Variants in CFTR observed in about 807,000 individuals in gnomAD.
CFTR encodes cystic fibrosis transmembrane conductance regulator.
A neutral mutation model predicts 171.6 loss-of-function variants in CFTR; 181 were observed. That is an observed-to-expected ratio of 1.05 (90% CI 0.93 to 1.19). CFTR has a LOEUF of 1.19. CFTR is among the 50% of genes most tolerant of loss of function. CFTR has a pLI of 0.00. For missense variants in CFTR, 1,968 were observed against 1,734.7 expected, an observed-to-expected ratio of 1.13 and a Z score of -2.39; for synonymous variants, 583 against 608.0, an observed-to-expected ratio of 0.96 and a Z score of 0.60.
intron 11 of CFTR, among the ~76,000 whole-genome samples, chr7:117,566,248 AACACACACACACAC>A (rs71314621): frequency 2.2e-5 from 3 of 138,890 alleles, no homozygotes; most frequent in African/African-American, 8.1e-5. Flanking sequence ...AGCCTACTAA[AACACACACACACAC>A]ACACACACAC....
intron 2 of CFTR, among the ~76,000 whole-genome samples, chr7:117,507,976 A>C (rs570532228): frequency 6.6e-6 from 1 of 152,126 alleles, no homozygotes; most frequent in Non-Finnish European, 1.5e-5. Flanking sequence ...GGGTTTTGCT[A>C]TGCTGGCCAG....
chr7:117,568,139 CT>C (rs969259584), intron 11 of CFTR, among the ~76,000 whole-genome samples: 3 of 152,058 alleles, frequency 2.0e-5, no homozygotes, highest in African/African-American at 7.2e-5. Flanking sequence ...GCACTTTGCC[CT>C]TTGGGGAAGC....
intron 1 of CFTR, among the ~76,000 whole-genome samples, chr7:117,482,061 A>G (rs1053647268): frequency 6.6e-6 from 1 of 152,230 alleles, no homozygotes; most frequent in African/African-American, 2.4e-5. Context: ...ATCACAGTAC[A>G]TGCACCTTGT....
At chr7:117,517,900 T>C (rs1349675600) in intron 3 of CFTR, among the ~76,000 whole-genome samples, 1 of 152,170 alleles carries the variant, frequency 6.6e-6, no homozygotes, top group African/African-American at 2.4e-5. Flanking sequence ...TTTGATGGGG[T>C]TGTTTTTTTC....
chr7:117,596,046 C>T (rs552115911), intron 15 of CFTR, among the ~76,000 whole-genome samples: 2 of 152,350 alleles, frequency 1.3e-5, no homozygotes, highest in South Asian at 4.1e-4. Context: ...CCCACTCTGG[C>T]TGTGCGTGAG....
At chr7:117,570,605 A>C (rs35233944) in intron 11 of CFTR, among the ~76,000 whole-genome samples, 1 of 152,178 alleles carries the variant, frequency 6.6e-6, no homozygotes, top group Non-Finnish European at 1.5e-5. Context: ...CATGTCTCAT[A>C]ATTGGTGGGA....
chr7:117,592,664 A>G lies in CFTR; in HGVS notation c.2490+7A>G, dbSNP rs751864459. ...TAACGAAGAAGACTTAAAGGTAGGTATACATCGCTTGGGGGTATTTCACCC... is the reference window on the plus strand; with the variant it reads ...TAACGAAGAAGACTTAAAGGTAGGTGTACATCGCTTGGGGGTATTTCACCC... On this transcript the variant is annotated splice_region_variant and intron_variant, in intron 14 of 26. Transcript: ENST00000003084. 9.2e-6 allele frequency: 14 copies of G among 1,526,406 alleles called. No homozygotes were observed. Among genetic ancestry groups the G allele is most frequent in the Non-Finnish European group, 9.6e-6 (11 of 1,144,488 alleles). The allele number at this position is 1,526,406 out of a possible 1,614,324, so 94.6% of individuals were successfully genotyped here. A position where few individuals can be genotyped will look rare whatever the true frequency, so the allele number is the denominator to read the frequency against.
intron 11 of CFTR, among the ~76,000 whole-genome samples, chr7:117,574,086 A>G (rs919550931): frequency 2.6e-5 from 4 of 152,082 alleles, no homozygotes; most frequent in Non-Finnish European, 5.9e-5. Flanking sequence ...GGGAAGATCT[A>G]CTGTGAAGGC....
At chr7:117,614,561 A>G in intron 20 of CFTR, 52 bp from the exon 21 acceptor site, 1 of 1,189,318 alleles carries the variant, frequency 8.4e-7, no homozygotes, top group East Asian at 2.3e-5. Flanking sequence ...AAAGTCGTTC[A>G]CAGAAGAGAG....
chr7:117,611,344 G>C (rs1261113836), intron 19 of CFTR, among the ~76,000 whole-genome samples: 1 of 151,910 alleles, frequency 6.6e-6, no homozygotes, highest in African/African-American at 2.4e-5. Flanking sequence ...AATAAATATT[G>C]GTGGTAATTT....
Position 117,569,861 on chromosome 7 carries a change from A to G in CFTR, c.1584+10206A>G, listed in dbSNP as rs1173872713. 4.6e-5 allele frequency among the ~76,000 whole-genome samples: 7 copies of G among 152,194 alleles called. No individual in the cohort carries two copies. Among genetic ancestry groups the G allele is most frequent in the Non-Finnish European group, 1.0e-4 (7 of 68,040 alleles). ...TTAATTGAGTTACTGCTGTGTGGCAAGCATCATTCTACAAACAGAGGGCAC... is the reference window on the plus strand; with the variant it reads ...TTAATTGAGTTACTGCTGTGTGGCAGGCATCATTCTACAAACAGAGGGCAC... On this transcript the variant is annotated intron_variant, in intron 11 of 26. Transcript: ENST00000003084.
chr7:117,512,920 C>A (rs1487804392), intron 3 of CFTR, among the ~76,000 whole-genome samples: 2 of 152,076 alleles, frequency 1.3e-5, no homozygotes, highest in Non-Finnish European at 2.9e-5. Flanking sequence ...TTTCATTAAA[C>A]CTCACAAAAT....
chr7:117,619,640 T>C (rs1382141184), intron 21 of CFTR, among the ~76,000 whole-genome samples: 1 of 151,530 alleles, frequency 6.6e-6, no homozygotes. Context: ...TTATTCTGTT[T>C]CTTTAATTCT....
chr7:117,579,789 T>C (rs1195114143), intron 11 of CFTR, among the ~76,000 whole-genome samples: 1 of 151,326 alleles, frequency 6.6e-6, no homozygotes, highest in African/African-American at 2.4e-5. Context: ...AACATGAGAA[T>C]ATGATATATG....
Position 117,590,372 on chromosome 7 carries a change from G to A in CFTR, c.1699G>A (p.Asp567Asn), listed in dbSNP as rs1562907184. 1 of 1,603,152 alleles carries A rather than the reference G, an allele frequency of 6.2e-7. No homozygotes were observed. The highest frequency in any genetic ancestry group is 1.7e-5 in the Admixed American group (1 of 59,694). ...TTTTAGAGCAGTATACAAAGATGCT[G>A]ATTTGTATTTATTAGACTCTCCTTT... ...SLARAVYKDA[D>N]LYLLDSPFGY... The change falls in exon 13 of 27, where the codon GAT becomes AAT. Residue 567 changes from aspartate (D) to asparagine (N), a missense_variant. Coordinates refer to ENST00000003084, the MANE Select transcript of CFTR (RefSeq NM_000492.4).
At chr7:117,566,206 G>A (rs186198395) in intron 11 of CFTR, among the ~76,000 whole-genome samples, 11 of 150,914 alleles carry the variant, frequency 7.3e-5, no homozygotes, top group Middle Eastern at 3.5e-3. Context: ...GGCCGAGGTG[G>A]GTGGATCACA....
chr7:117,495,243 G>A (rs1798219485), intron 1 of CFTR, among the ~76,000 whole-genome samples: 1 of 152,082 alleles, frequency 6.6e-6, no homozygotes, highest in Non-Finnish European at 1.5e-5. Context: ...CTACAGTTTT[G>A]TGGCTCTTGT....
rs780816166 is a variant in CFTR at position 117,611,860 on chromosome 7, T to C, written c.3367+52T>C. ...AAGCATTTAAGTAAAAAATTTTCAA[T>C]GAATAAAATGCTGCATTCTATAGGT... is the stretch of plus-strand genomic sequence containing the variant. On this transcript the variant is annotated intron_variant, in intron 20 of 26. Transcript: ENST00000003084. 1.4e-4 allele frequency: 169 copies of C among 1,247,932 alleles called. 2 individuals are homozygous for C. The South Asian group carries it at 1.9e-3, about 14-fold the overall frequency. 77.3% of individuals were successfully genotyped at this position (1,247,932 alleles called of 1,614,324 possible).
intron 18 of CFTR, among the ~76,000 whole-genome samples, chr7:117,607,573 C>T (rs978985357): frequency 3.9e-5 from 6 of 152,136 alleles, no homozygotes; most frequent in Non-Finnish European, 1.5e-5. Flanking sequence ...TCAGTGATCT[C>T]CTTGGAGAAA....
Sources: gnomAD v4.1 joint callset for allele counts (sites outside exome capture counted in the v4.1 genomes callset) on GRCh38, gnomAD v4.1.1 for gene constraint, MANE v1.5 for transcripts, NCBI Gene and HGNC (gene_info 2026-07-23, HGNC 2026-07-21) for gene names.